Variants in AFAP1L2 observed in about 807,000 individuals in gnomAD.
AFAP1L2 encodes the protein actin filament-associated protein 1-like 2.
A neutral mutation model predicts 99.3 loss-of-function variants in AFAP1L2; 46 were observed. The ratio of observed to expected loss-of-function variants is 0.46; its 90% CI spans 0.37 to 0.59. AFAP1L2 has a LOEUF of 0.59. AFAP1L2 is among the 20% of genes least tolerant of loss of function. The pLI, the probability that AFAP1L2 is intolerant of heterozygous loss-of-function variation, is 0.00. For synonymous variants in AFAP1L2, 397 were observed against 419.1 expected, an observed-to-expected ratio of 0.95 and a Z score of 0.64; for missense variants, 959 against 1,034.9, an observed-to-expected ratio of 0.93 and a Z score of 1.01.
chr10:114,297,054 T>C lies in AFAP1L2; in HGVS notation c.2354A>G (p.Asn785Ser), dbSNP rs1183659919. The C allele has an allele frequency of 6.2e-7, 1 of 1,613,884 alleles. No individual in the cohort carries two copies. The stretch of plus-strand genomic sequence containing the variant: ...CCTGTTCTTGAGTGTGGTTGCAGAG[T>C]TGACTGGGGTACAGTCTGGGGCAGA... ...PASAPDCTPV[N>S]SATTLKNRPL... The change falls in exon 18 of 19, where the codon AAC becomes AGC. Residue 785 changes from asparagine (N) to serine (S), a missense_variant. Physicochemically the swap from Asn to Ser is conservative, Grantham distance 46. Around this residue, in one of 2 missense-constraint regions of AFAP1L2, gnomAD observed 576 missense variants for 562.1 expected, o/e 1.02. Coordinates refer to ENST00000304129, the MANE Select transcript of AFAP1L2 (RefSeq NM_001001936.3).
At chr10:114,328,377 C>T (rs1462066883) in intron 4 of AFAP1L2, among the ~76,000 whole-genome samples, 7 of 152,108 alleles carry the variant, frequency 4.6e-5, no homozygotes, top group South Asian at 2.1e-4. Context: ...CTGCAGGTGC[C>T]GGTGAGCCCA....
intron 4 of AFAP1L2, among the ~76,000 whole-genome samples, chr10:114,326,550 T>C (rs114926645): frequency 4.5e-4 from 69 of 152,320 alleles, no homozygotes; most frequent in African/African-American, 1.4e-3. Flanking sequence ...CCCTGAAATT[T>C]TGGTCAGAAT....
the AFAP1L2 span, chr10:114,289,566 G>A: frequency 9.8e-6 from 15 of 1,524,200 alleles, no homozygotes; most frequent in African/African-American, 5.5e-5. Context: ...ACATCATGAC[G>A]AGGATGGCAG....
At chr10:114,314,698 C>T (rs1247479922) in intron 6 of AFAP1L2, among the ~76,000 whole-genome samples, 4 of 152,122 alleles carry the variant, frequency 2.6e-5, no homozygotes, top group Admixed American at 1.3e-4. Flanking sequence ...AATCAGGACA[C>T]GCAACTGGGA....
intron 5 of AFAP1L2, among the ~76,000 whole-genome samples, chr10:114,317,319 T>C (rs2044298282): frequency 6.6e-6 from 1 of 152,222 alleles, no homozygotes. Flanking sequence ...TTAAAAGCCA[T>C]GTGACACTAC....
At chr10:114,322,530 G>T (rs901874476) in intron 5 of AFAP1L2, among the ~76,000 whole-genome samples, 5 of 152,108 alleles carry the variant, frequency 3.3e-5, no homozygotes, top group Non-Finnish European at 7.3e-5. Flanking sequence ...CTTCATTCAG[G>T]AATCTGTTTA....
At position 114,313,943 on chromosome 10, in the gene AFAP1L2, C is replaced by T. The variant is rs774506615; in HGVS notation, c.720G>A (p.Lys240=). 4 of 1,613,992 alleles carry T rather than the reference C, an allele frequency of 2.5e-6. No individual in the cohort carries two copies. Among genetic ancestry groups the T allele is most frequent in the Non-Finnish European group, 3.4e-6 (4 of 1,180,000 alleles). The part of the protein sequence containing the change: ...KQVRKKEHKL[K]ITPMNADVIV... ...TCACATCGGCATTCATCGGCGTGAT[C>T]TTCAGCTTGTGCTCCTTCTTCCGCA... is the stretch of plus-strand genomic sequence containing the variant. The change falls in exon 7 of 19, where the codon AAG becomes AAA. Residue 240 remains lysine (K), a synonymous_variant. Coordinates refer to ENST00000304129, the MANE Select transcript of AFAP1L2 (RefSeq NM_001001936.3).
downstream of AFAP1L2, among the ~76,000 whole-genome samples, chr10:114,292,709 T>C (rs990604166): frequency 2.0e-5 from 3 of 151,742 alleles, no homozygotes; most frequent in African/African-American, 7.3e-5. Flanking sequence ...CACTTTATCG[T>C]TTTTCTTTTT....
chr10:114,301,662 G>A (rs772480281), intron 12 of AFAP1L2, 197 bp from the exon 13 acceptor site: 28 of 571,116 alleles, frequency 4.9e-5, no homozygotes, highest in Non-Finnish European at 7.5e-5. Context: ...TGAAATTCTT[G>A]GTTCGAGATT....
chr10:114,403,542 G>C (rs2058423174), intron 1 of AFAP1L2, among the ~76,000 whole-genome samples: 2 of 152,214 alleles, frequency 1.3e-5, no homozygotes, highest in Non-Finnish European at 2.9e-5. Context: ...CTTTTCCAAA[G>C]GGAAGGGGTC....
At chr10:114,329,430 A>C (rs928557114) in intron 4 of AFAP1L2, among the ~76,000 whole-genome samples, 1 of 152,218 alleles carries the variant, frequency 6.6e-6, no homozygotes, top group African/African-American at 2.4e-5. Flanking sequence ...GGTGCTCATG[A>C]AACTCTGCCC....
chr10:114,311,212 A>G (rs1024522695), intron 7 of AFAP1L2, among the ~76,000 whole-genome samples: 5 of 152,184 alleles, frequency 3.3e-5, no homozygotes, highest in Admixed American at 1.3e-4. Context: ...GGCTGGGGGC[A>G]GATGCAGAAA....
chr10:114,344,612 C>T (rs989048642), intron 1 of AFAP1L2, among the ~76,000 whole-genome samples: 1 of 152,156 alleles, frequency 6.6e-6, no homozygotes, highest in Non-Finnish European at 1.5e-5. Flanking sequence ...AAAGGTGACC[C>T]CAAGGGGTCC....
intron 1 of AFAP1L2, among the ~76,000 whole-genome samples, chr10:114,387,495 C>G (rs991373439): frequency 9.2e-5 from 14 of 152,228 alleles, no homozygotes; most frequent in Non-Finnish European, 2.1e-4. Flanking sequence ...ATGGCACATA[C>G]AGCCCAATGC....
At chr10:114,318,751 A>AAG (rs1554894545) in intron 5 of AFAP1L2, among the ~76,000 whole-genome samples, 4 of 147,768 alleles carry the variant, frequency 2.7e-5, no homozygotes, top group Non-Finnish European at 6.0e-5. Context: ...AAAAAAAGAA[A>AAG]AAAAAAAGAA....
downstream of AFAP1L2, chr10:114,290,358 C>A (rs527439886): frequency 4.6e-5 from 71 of 1,550,450 alleles, 1 homozygote; most frequent in Admixed American, 1.3e-3. Flanking sequence ...GCCCCCACTG[C>A]GAGAACCGTG....
chr10:114,314,120 G>A, intron 6 of AFAP1L2, 70 bp from the exon 7 acceptor site: 1 of 1,500,996 alleles, frequency 6.7e-7, no homozygotes, highest in South Asian at 1.3e-5. Context: ...TGCAAAGGAG[G>A]GGCCGCTGGA....
intron 4 of AFAP1L2, among the ~76,000 whole-genome samples, chr10:114,330,710 CAT>C (rs774052918): frequency 2.0e-5 from 3 of 152,332 alleles, no homozygotes; most frequent in Admixed American, 6.5e-5. Flanking sequence ...AACCCACATC[CAT>C]ATGATTTTAC....
At chr10:114,399,434 T>C (rs2058042010) in intron 1 of AFAP1L2, among the ~76,000 whole-genome samples, 1 of 152,178 alleles carries the variant, frequency 6.6e-6, no homozygotes, top group Non-Finnish European at 1.5e-5. Flanking sequence ...GGGACACCGA[T>C]AAGGAATGAA....
Sources: gnomAD v4.1 joint callset for allele counts (sites outside exome capture counted in the v4.1 genomes callset) on GRCh38, gnomAD v4.1.1 for gene constraint, gnomAD v4.1.1 regional missense constraint, MANE v1.5 for transcripts, NCBI Gene and HGNC (gene_info 2026-07-23, HGNC 2026-07-21) for gene names.